Variants in PIK3CD observed in about 807,000 individuals in gnomAD.
The protein encoded by PIK3CD is phosphatidylinositol-4,5-bisphosphate 3-kinase catalytic subunit delta.
PIK3CD carries 20 observed loss-of-function variants against 122.9 expected under a neutral mutation model. The observed-to-expected ratio is 0.16, with a 90% confidence interval of 0.11 to 0.24. The LOEUF is 0.24. Among genes scored for constraint, PIK3CD ranks in the 10% least tolerant of loss-of-function variants. PIK3CD has a pLI of 1.00. For synonymous variants in PIK3CD, 596 were observed against 593.4 expected (o/e 1.00, Z -0.06); for missense variants, 787 against 1,406.3 (o/e 0.56, Z 7.04).
At chr1:9,645,751 G>A in the PIK3CD span, among the ~76,000 whole-genome samples, 1 of 151,638 alleles carries the variant, frequency 6.6e-6, no homozygotes, top group Non-Finnish European at 1.5e-5. Flanking sequence ...GATTACAGGT[G>A]CCCGCCACCA....
In PIK3CD at chr1:9,710,222, C is replaced by T. The variant is rs570385078; in HGVS notation, c.-32-202C>T. ...GCCTGGGAGAAGAGGCAGCTGAGGC[C>T]GTGGCCCGGAGTAGTAGGAGCCACA... On this transcript the variant is annotated intron_variant, in intron 2 of 23. Transcript: ENST00000377346. This position sits in a 1 kb window ranked among gnomAD's most constrained non-coding sequence, Gnocchi z 4.7. 9.0e-5 allele frequency: 50 copies of T among 558,490 alleles called. No individual in the cohort carries two copies. The highest frequency in any genetic ancestry group is 7.0e-4 in the African/African-American group (37 of 53,232). The allele number at this position is 558,490 out of a possible 1,614,324, so 34.6% of individuals were successfully genotyped here.
intron 1 of PIK3CD, among the ~76,000 whole-genome samples, chr1:9,656,749 C>A (rs1298214593): frequency 6.6e-6 from 1 of 152,084 alleles, no homozygotes; most frequent in African/African-American, 2.4e-5. Context: ...TCAAGACCAG[C>A]CTGGCCAACA....
intron 2 of PIK3CD, among the ~76,000 whole-genome samples, chr1:9,694,320 A>G (rs895104550): frequency 1.3e-5 from 2 of 151,964 alleles, no homozygotes; most frequent in African/African-American, 2.4e-5. Flanking sequence ...TCATCACTTA[A>G]GGCCGGAGTT....
the PIK3CD span, among the ~76,000 whole-genome samples, chr1:9,642,405 G>A: frequency 3.3e-5 from 5 of 150,480 alleles, no homozygotes; most frequent in African/African-American, 1.2e-4. Context: ...GAGCCGCTGT[G>A]CCCAGCCTCT....
rs573848718 is a variant in PIK3CD, at chr1:9,707,393, G to A, written c.-32-3031G>A. ...TTTAACTTTTATTTTAAGTTCAGGG[G>A]TACGTTGCAGGTTTGTTATATAGGT... On this transcript the variant is annotated intron_variant, in intron 2 of 23. Coordinates refer to ENST00000377346, the MANE Select transcript of PIK3CD (RefSeq NM_005026.5). Among the ~76,000 whole-genome samples, 16 of 150,378 alleles carry A rather than the reference G, an allele frequency of 1.1e-4. 1 individual carries two copies. In the South Asian group the frequency reaches 3.4e-3, roughly 32 times the overall value.
intron 1 of PIK3CD, among the ~76,000 whole-genome samples, chr1:9,664,206 G>C (rs950918226): frequency 8.6e-5 from 13 of 151,928 alleles, no homozygotes; most frequent in African/African-American, 3.1e-4. Flanking sequence ...ACATCACCAT[G>C]CTCGGCTAAT....
rs754531708 is a variant in PIK3CD at position 9,716,040 on chromosome 1, C to T, written c.562C>T (p.Arg188Trp). 4 of 1,612,482 alleles carry T rather than the reference C, an allele frequency of 2.5e-6. No individual in the cohort carries two copies. The highest frequency in any genetic ancestry group is 2.2e-5 in the South Asian group (2 of 91,060). The part of the protein sequence containing the change: ...WGPGTLRLPN[R>W]ALLVNVKFEG... ...GCCTGGTACCCTGCGGCTCCCGAAC[C>T]GGGCCCTTCTGGTCAACGTTAAGTT... The change falls in exon 5 of 24, where the codon CGG becomes TGG. Residue 188 changes from arginine to tryptophan, a missense_variant. Arg to Trp is a moderately radical substitution (Grantham distance 101). Around this residue, in one of 6 missense-constraint regions of PIK3CD, gnomAD observed 592 missense variants for 920.6 expected, o/e 0.64. Transcript: ENST00000377346.
chr1:9,631,834 C>T, the PIK3CD span, among the ~76,000 whole-genome samples: 3 of 152,148 alleles, frequency 2.0e-5, no homozygotes, highest in Non-Finnish European at 2.9e-5. Context: ...CTCGTCCTGC[C>T]ACACCTCAAA....
intron 1 of PIK3CD, among the ~76,000 whole-genome samples, chr1:9,661,508 C>A (rs915020338): frequency 6.6e-6 from 1 of 152,214 alleles, no homozygotes; most frequent in East Asian, 1.9e-4. Flanking sequence ...CCTGCCTTAG[C>A]CTCTGGAGTA....
At chr1:9,642,295 T>G in the PIK3CD span, among the ~76,000 whole-genome samples, 1 of 151,742 alleles carries the variant, frequency 6.6e-6, no homozygotes, top group African/African-American at 2.4e-5. Flanking sequence ...GTATTTTTAG[T>G]GGAGACAGGG....
rs1189571568 is a variant in PIK3CD at position 9,718,969 on chromosome 1, C to G, written c.1242+54C>G. 2.0e-6 allele frequency: 3 copies of G among 1,524,232 alleles called. No homozygotes were observed. The highest frequency in any genetic ancestry group is 2.7e-6 in the Non-Finnish European group (3 of 1,108,930). The allele number at this position is 1,524,232 out of a possible 1,614,324, so 94.4% of individuals were successfully genotyped here. ...GCAGACCCCGGAGAGCCAGTACAGCCCCTTGCTGGGCCACTCACCACTCTC... is the reference window on the plus strand; with the variant it reads ...GCAGACCCCGGAGAGCCAGTACAGCGCCTTGCTGGGCCACTCACCACTCTC... On this transcript the variant is annotated intron_variant, in intron 9 of 23. Transcript: ENST00000377346. This position sits in a 1 kb window ranked among gnomAD's most constrained non-coding sequence, Gnocchi z 7.2.
the PIK3CD span, among the ~76,000 whole-genome samples, chr1:9,642,588 G>A: frequency 2.0e-5 from 3 of 150,252 alleles, no homozygotes; most frequent in Non-Finnish European, 4.5e-5. Context: ...GCAGTGGCGG[G>A]TGCCTGTAGT....
At chr1:9,629,017 G>T in the PIK3CD span, among the ~76,000 whole-genome samples, 1 of 152,098 alleles carries the variant, frequency 6.6e-6, no homozygotes, top group South Asian at 2.1e-4. Flanking sequence ...CCAAGTGAGG[G>T]GCGGGCCTGG....
At chr1:9,725,245 C>T (rs1649334981) in intron 23 of PIK3CD, among the ~76,000 whole-genome samples, 1 of 152,196 alleles carries the variant, frequency 6.6e-6, no homozygotes. Context: ...AGCGCTGGCT[C>T]CCTCTGCCTT....
At chr1:9,658,579 G>C (rs1213974696) in intron 1 of PIK3CD, among the ~76,000 whole-genome samples, 2 of 144,232 alleles carry the variant, frequency 1.4e-5, no homozygotes, top group Non-Finnish European at 3.0e-5. Flanking sequence ...ACCCAGGCTG[G>C]AGTGCAGTGG....
rs1649867350 is a variant in PIK3CD, at chr1:9,727,587, C to T, written c.*541C>T. ...TGGGTCTTGGGTACGAGAATTCCCT[C>T]ATCTTTCTCTACTGTAAAGTGATTT... On this transcript the variant is annotated 3_prime_UTR_variant, in exon 24 of 24. Transcript: ENST00000377346. 4.4e-6 allele frequency: 1 copy of T among 229,280 alleles called. No individual in the cohort carries two copies. Among genetic ancestry groups the T allele is most frequent in the South Asian group, 1.1e-4 (1 of 9,434 alleles). 14.2% of individuals were successfully genotyped at this position (229,280 alleles called of 1,614,324 possible).
Position 9,722,057 on chromosome 1 carries a change from A to T in PIK3CD, c.2138A>T (p.Glu713Val), listed in dbSNP as rs1570390604. The stretch of plus-strand genomic sequence containing the variant: ...AAGACCCCCAAGCCCCAGACCAAGG[A>T]GCTGATGCACTTGTGCATGCGGCAG... ...SQKTPKPQTK[E>V]LMHLCMRQEA... Residue 713 changes from glutamate (E) to valine (V), a missense_variant, in exon 17 of 24, where the codon GAG becomes GTG. By Grantham distance (121) the Glu-to-Val change is moderately radical. This residue lies in a region of PIK3CD where 48 missense variants were observed against 71.9 expected (regional missense o/e 0.67). Coordinates refer to ENST00000377346, the MANE Select transcript of PIK3CD (RefSeq NM_005026.5). This position sits in a 1 kb window ranked among gnomAD's most constrained non-coding sequence, Gnocchi z 7.6. 1 of 1,613,652 alleles carries T rather than the reference A, an allele frequency of 6.2e-7. No homozygotes were observed. The highest frequency in any genetic ancestry group is 8.5e-7 in the Non-Finnish European group (1 of 1,179,998).
At chr1:9,665,674 A>G (rs941996777) in intron 1 of PIK3CD, among the ~76,000 whole-genome samples, 1 of 152,076 alleles carries the variant, frequency 6.6e-6, no homozygotes, top group Non-Finnish European at 1.5e-5. Flanking sequence ...TATTATATCC[A>G]TTCTCATAAA....
intron 1 of PIK3CD, among the ~76,000 whole-genome samples, chr1:9,673,871 T>C (rs1645416634): frequency 6.6e-6 from 1 of 152,148 alleles, no homozygotes; most frequent in South Asian, 2.1e-4. Context: ...ACACCCAGGG[T>C]GCACCCTCTT....
Sources: allele counts gnomAD v4.1 joint callset (sites outside exome capture counted in the v4.1 genomes callset), GRCh38; gene constraint gnomAD v4.1.1; regional missense constraint gnomAD v4.1.1; non-coding constraint Gnocchi (gnomAD v3.1); transcripts MANE v1.5; gene names NCBI Gene and HGNC (gene_info 2026-07-23, HGNC 2026-07-21).